Variants in AUTS2 observed in about 807,000 individuals in gnomAD.
AUTS2 encodes the protein autism susceptibility gene 2 protein.
Under a neutral mutation model 112.4 loss-of-function variants are expected in AUTS2, and 17 were observed. The observed-to-expected ratio is 0.15, with a 90% CI of 0.10 to 0.23. The LOEUF (loss-of-function observed/expected upper bound fraction) is 0.23. Ranked by LOEUF, AUTS2 falls within the 10% of genes least tolerant of loss-of-function variation. The pLI, the probability that AUTS2 is intolerant of heterozygous loss-of-function variation, is 1.00. For missense variants in AUTS2, 1,510 were observed against 1,701.6 expected (o/e 0.89, Z 1.98); for synonymous variants, 751 against 702.7 (o/e 1.07, Z -1.09).
intron 5 of AUTS2, among the ~76,000 whole-genome samples, chr7:70,637,821 A>G (rs1449332927): frequency 6.6e-6 from 1 of 152,190 alleles, no homozygotes; most frequent in Non-Finnish European, 1.5e-5. Context: ...ATTGTGTTGT[A>G]TCTACTGATT....
chr7:69,849,617 C>T (rs1297986107), intron 1 of AUTS2, among the ~76,000 whole-genome samples: 2 of 151,616 alleles, frequency 1.3e-5, no homozygotes, highest in Non-Finnish European at 2.9e-5. Flanking sequence ...AATGTTATTA[C>T]ACATTTGTAT....
At chr7:70,505,826 A>T (rs1460822218) in intron 5 of AUTS2, among the ~76,000 whole-genome samples, 1 of 152,202 alleles carries the variant, frequency 6.6e-6, no homozygotes. Flanking sequence ...CTTGTCCCCA[A>T]GGTAGGGACC....
intron 5 of AUTS2, among the ~76,000 whole-genome samples, chr7:70,560,686 A>C (rs1476124666): frequency 6.6e-6 from 1 of 152,266 alleles, no homozygotes; most frequent in Non-Finnish European, 1.5e-5. Context: ...ATTTCAAGCT[A>C]TAAGGCTTCC....
At chr7:70,165,034 GA>G (rs1235604292) in intron 4 of AUTS2, among the ~76,000 whole-genome samples, 1 of 151,932 alleles carries the variant, frequency 6.6e-6, no homozygotes, top group Non-Finnish European at 1.5e-5. Context: ...GTAAGAGTCA[GA>G]AAAAAATGCT....
chr7:69,822,626 A>G (rs1367130256), intron 1 of AUTS2, among the ~76,000 whole-genome samples: 1 of 152,244 alleles, frequency 6.6e-6, no homozygotes, highest in South Asian at 2.1e-4. Context: ...AAAAAGCAGC[A>G]TAAGATATGG....
intron 2 of AUTS2, among the ~76,000 whole-genome samples, chr7:69,928,707 C>T (rs1213110786): frequency 6.6e-6 from 1 of 152,228 alleles, no homozygotes; most frequent in East Asian, 1.9e-4. Context: ...TCTGAGCCTG[C>T]AGGGCTTCCC....
chr7:70,713,141 C>T (rs1435650962), intron 6 of AUTS2, among the ~76,000 whole-genome samples: 2 of 152,200 alleles, frequency 1.3e-5, no homozygotes, highest in African/African-American at 2.4e-5. Flanking sequence ...CTAACTTGCT[C>T]AACCGCTTCT....
chr7:70,486,231 A>G (rs530691470), intron 5 of AUTS2, among the ~76,000 whole-genome samples: 1 of 152,182 alleles, frequency 6.6e-6, no homozygotes, highest in African/African-American at 2.4e-5. Flanking sequence ...CACAGGGGTT[A>G]GCATGTAAGC....
At chr7:70,775,450 C>CAA (rs753576802) in intron 13 of AUTS2, 64 bp downstream of exon 13, 7 of 1,280,268 alleles carry the variant, frequency 5.5e-6, no homozygotes, top group East Asian at 2.3e-5. Flanking sequence ...GTTAAAAATA[C>CAA]AAGTCTATTA....
intron 6 of AUTS2, among the ~76,000 whole-genome samples, chr7:70,721,398 A>T (rs1238778066): frequency 6.6e-6 from 1 of 151,618 alleles, no homozygotes; most frequent in Non-Finnish European, 1.5e-5. Flanking sequence ...TCCTGGGTTC[A>T]AGCTGTTCTC....
chr7:70,438,520 AG>A (rs1795988646), intron 5 of AUTS2, among the ~76,000 whole-genome samples: 1 of 152,076 alleles, frequency 6.6e-6, no homozygotes, highest in Non-Finnish European at 1.5e-5. Context: ...CCATTTCTCC[AG>A]GGGGCTCCCA....
chr7:70,418,988 C>T (rs1453053710), intron 4 of AUTS2, among the ~76,000 whole-genome samples: 1 of 151,890 alleles, frequency 6.6e-6, no homozygotes, highest in Non-Finnish European at 1.5e-5. Flanking sequence ...CTCCTTACTG[C>T]TACCTTGAGA....
chr7:70,373,772 C>G (rs1264967520), intron 4 of AUTS2, among the ~76,000 whole-genome samples: 1 of 151,950 alleles, frequency 6.6e-6, no homozygotes, highest in African/African-American at 2.4e-5. Flanking sequence ...ATAAAAATAA[C>G]CTGTAAGTCC....
In AUTS2 at chr7:70,120,504, A is replaced by T. The variant is rs185643658; in HGVS notation, c.624+2271A>T. ...CTTATCTAAGTTGTTAGCAATAATA[A>T]TTAATGTTTAAATAGCTGTTTTTCT... On this transcript the variant is annotated intron_variant, in intron 3 of 18. Transcript: ENST00000342771. The T allele has an allele frequency of 2.0e-5, 3 of 152,288 alleles. No homozygotes were observed. In the East Asian group the frequency reaches 5.8e-4, roughly 29 times the overall value. The allele number at this position is 152,288 out of a possible 1,614,324, so 9.4% of individuals were successfully genotyped here. A position where few individuals can be genotyped will look rare whatever the true frequency, so the allele number is the denominator to read the frequency against.
chr7:70,724,983 C>A (rs954873305), intron 6 of AUTS2, among the ~76,000 whole-genome samples: 1 of 152,092 alleles, frequency 6.6e-6, no homozygotes, highest in South Asian at 2.1e-4. Context: ...ATTTCAGAAA[C>A]GTTAGCACAT....
chr7:70,097,427 G>A (rs1459109845), intron 2 of AUTS2, among the ~76,000 whole-genome samples: 1 of 152,206 alleles, frequency 6.6e-6, no homozygotes, highest in Non-Finnish European at 1.5e-5. Context: ...ATGTCTGCAT[G>A]TGCATGTGTG....
chr7:70,174,413 A>G (rs1222203132), intron 4 of AUTS2, among the ~76,000 whole-genome samples: 1 of 152,224 alleles, frequency 6.6e-6, no homozygotes, highest in Non-Finnish European at 1.5e-5. Flanking sequence ...ACAAGTGCTG[A>G]TGGAGTAGCT....
chr7:70,502,126 T>A (rs1389811101), intron 5 of AUTS2, among the ~76,000 whole-genome samples: 1 of 152,186 alleles, frequency 6.6e-6, no homozygotes, highest in Non-Finnish European at 1.5e-5. Context: ...CCTCCGTGAC[T>A]TTCCTCTCCC....
rs562171247 is a variant in AUTS2 at position 70,763,251 on chromosome 7, T to C, written c.1124T>C (p.Leu375Pro). The change falls in exon 7 of 19, where the codon CTC becomes CCC. Residue 375 changes from leucine (L) to proline (P), a missense_variant. By Grantham distance (98) the Leu-to-Pro change is moderately conservative. Around this residue, in one of 3 missense-constraint regions of AUTS2, gnomAD observed 535 missense variants for 594.3 expected, o/e 0.90. Coordinates refer to ENST00000342771, the MANE Select transcript of AUTS2 (RefSeq NM_015570.4). Reference sequence around the variant, plus strand: ...CCCACCCAGCTGCTCCATCAGAACCTCCCACCTGTGCAGGCCCACCCCTCT... The same window carrying C: ...CCCACCCAGCTGCTCCATCAGAACCCCCCACCTGTGCAGGCCCACCCCTCT... The part of the protein sequence containing the change: ...QSPTQLLHQN[L>P]PPVQAHPSAQ... 9 of 1,613,716 alleles carry C rather than the reference T, an allele frequency of 5.6e-6. No individual in the cohort carries two copies. The East Asian group carries it at 1.6e-4, about 28-fold the overall frequency.
Sources: allele counts gnomAD v4.1 joint callset (sites outside exome capture counted in the v4.1 genomes callset), GRCh38; gene constraint gnomAD v4.1.1; regional missense constraint gnomAD v4.1.1; transcripts MANE v1.5; gene names NCBI Gene and HGNC (gene_info 2026-07-23, HGNC 2026-07-21).